SUMF1: variants seen among roughly 807,000 people sequenced by gnomAD.
SUMF1 encodes formylglycine-generating enzyme.
SUMF1 carries 48 observed loss-of-function variants against 47.6 expected under a neutral mutation model. The observed-to-expected ratio is 1.01, with a 90% CI of 0.80 to 1.28. The LOEUF (loss-of-function observed/expected upper bound fraction) is 1.28. Among genes scored for constraint, SUMF1 ranks in the 50% most tolerant of loss-of-function variants. The probability of loss-of-function intolerance (pLI) is 0.00; values close to 1 mark genes in which losing one functional copy is unlikely to be tolerated. For missense variants in SUMF1, 571 were observed against 485.4 expected, an observed-to-expected ratio of 1.18 and a Z score of -1.66; for synonymous variants, 230 against 192.1, an observed-to-expected ratio of 1.20 and a Z score of -1.63.
intron 3 of SUMF1, among the ~76,000 whole-genome samples, chr3:4,426,505 GT>G (rs759571407): frequency 3.1e-4 from 47 of 152,158 alleles, no homozygotes; most frequent in Non-Finnish European, 5.4e-4. Context: ...CAAATAACTT[GT>G]TCTTGAACTC....
At chr3:4,095,419 G>A (rs1302862920) in intron 8 of SUMF1, among the ~76,000 whole-genome samples, 1 of 152,004 alleles carries the variant, frequency 6.6e-6, no homozygotes, top group Non-Finnish European at 1.5e-5. Flanking sequence ...AAGCTCTGAA[G>A]AATGAGATTG....
chr3:4,050,155 G>GGAAT (rs989987033), intron 9 of SUMF1, among the ~76,000 whole-genome samples: 1 of 151,928 alleles, frequency 6.6e-6, no homozygotes, highest in Admixed American at 6.6e-5. Flanking sequence ...CATGAAAACA[G>GGAAT]GAATGCCTGT....
chr3:4,321,101 G>A (rs1220303565), intron 8 of SUMF1, among the ~76,000 whole-genome samples: 3 of 152,044 alleles, frequency 2.0e-5, no homozygotes, highest in Admixed American at 6.6e-5. Context: ...TGTTGGATTG[G>A]GAATTTACAT....
intron 9 of SUMF1, among the ~76,000 whole-genome samples, chr3:4,057,036 G>A (rs317538): frequency 0.98 from 148,490 of 151,902 alleles, 72,649 homozygotes; most frequent in Middle Eastern, 1. Flanking sequence ...GTGAGCCACC[G>A]CGCCCGGCCG....
intron 8 of SUMF1, among the ~76,000 whole-genome samples, chr3:4,199,239 C>A (rs1407285039): frequency 2.0e-5 from 3 of 152,088 alleles, no homozygotes; most frequent in Non-Finnish European, 4.4e-5. Context: ...TAAATGGAAT[C>A]ATACTATATG....
intron 8 of SUMF1, among the ~76,000 whole-genome samples, chr3:4,174,496 G>A (rs988901234): frequency 6.6e-6 from 1 of 151,984 alleles, no homozygotes; most frequent in Non-Finnish European, 1.5e-5. Flanking sequence ...TTCAGCTCAG[G>A]AGTTCAAAGC....
intron 9 of SUMF1, among the ~76,000 whole-genome samples, chr3:4,067,745 C>A (rs997831951): frequency 1.3e-5 from 2 of 152,136 alleles, no homozygotes; most frequent in Non-Finnish European, 2.9e-5. Context: ...ATTCTGATGT[C>A]CTGCAGGTGC....
At chr3:4,373,111 A>G (rs1700216639) in intron 8 of SUMF1, among the ~76,000 whole-genome samples, 1 of 152,234 alleles carries the variant, frequency 6.6e-6, no homozygotes, top group East Asian at 1.9e-4. Context: ...TATAGACTTT[A>G]AATCAACCAC....
intron 7 of SUMF1, among the ~76,000 whole-genome samples, chr3:4,402,349 T>C (rs1166938591): frequency 1.3e-5 from 2 of 152,204 alleles, no homozygotes; most frequent in Non-Finnish European, 2.9e-5. Flanking sequence ...CAGCTCCAAC[T>C]GGTAGAGAAC....
In SUMF1 at chr3:4,355,475, G is replaced by T. The variant is rs142767763; in HGVS notation, c.1014+20855C>A. ...AAGGTGTAGAGCAGAGAAAAATTGT[G>T]GACTTTGAAAATGCAACCAATGGCT... is the stretch of plus-strand genomic sequence containing the variant. On this transcript the variant is annotated intron_variant and NMD_transcript_variant, in intron 8 of 12. Transcript: ENST00000448413. 5.0e-3 allele frequency among the ~76,000 whole-genome samples: 764 copies of T among 152,138 alleles called. 4 individuals carry two copies. The highest frequency in any genetic ancestry group is 0.014 in the South Asian group (66 of 4,814).
intron 1 of SUMF1, among the ~76,000 whole-genome samples, chr3:4,461,509 G>A (rs2079814374): frequency 6.6e-6 from 1 of 152,216 alleles, no homozygotes; most frequent in Admixed American, 6.5e-5. Flanking sequence ...ACAGGAAGCT[G>A]TGCCCATTGT....
At chr3:4,367,135 G>A (rs1232872383) in intron 8 of SUMF1, among the ~76,000 whole-genome samples, 4 of 152,130 alleles carry the variant, frequency 2.6e-5, no homozygotes, top group Admixed American at 6.5e-5. Context: ...CTACTGGGGG[G>A]GTGCCTCACA....
chr3:4,181,867 G>A (rs1333454115), intron 8 of SUMF1, among the ~76,000 whole-genome samples: 1 of 152,092 alleles, frequency 6.6e-6, no homozygotes, highest in Non-Finnish European at 1.5e-5. Context: ...TGGACCTGAG[G>A]CTGGGGAACA....
chr3:4,409,418 T>C (rs1701472715), intron 7 of SUMF1, among the ~76,000 whole-genome samples: 1 of 152,192 alleles, frequency 6.6e-6, no homozygotes. Flanking sequence ...TGAATTTTTC[T>C]GTAAATCCTT....
chr3:4,273,284 A>G (rs560555848), intron 8 of SUMF1, among the ~76,000 whole-genome samples: 10 of 152,218 alleles, frequency 6.6e-5, no homozygotes, highest in East Asian at 1.9e-4. Context: ...AGTTCTATCA[A>G]TTTGTGAATG....
intron 8 of SUMF1, among the ~76,000 whole-genome samples, chr3:4,265,194 G>A (rs984132869): frequency 6.6e-6 from 1 of 150,902 alleles, no homozygotes. Flanking sequence ...CTATGCATCT[G>A]GCAGGAGCAG....
chr3:4,213,904 A>G (rs1420895079), intron 8 of SUMF1, among the ~76,000 whole-genome samples: 2 of 152,204 alleles, frequency 1.3e-5, no homozygotes, highest in Non-Finnish European at 2.9e-5. Context: ...ATCCAGATTC[A>G]TAAAGCAAGT....
At chr3:4,104,839 C>T (rs1217724684) in intron 8 of SUMF1, among the ~76,000 whole-genome samples, 3 of 152,042 alleles carry the variant, frequency 2.0e-5, no homozygotes, top group Non-Finnish European at 2.9e-5. Flanking sequence ...TGTATAGAGT[C>T]CTTTTACACC....
At chr3:4,394,902 C>T (rs1401582514) in intron 7 of SUMF1, among the ~76,000 whole-genome samples, 2 of 152,138 alleles carry the variant, frequency 1.3e-5, no homozygotes, top group African/African-American at 4.8e-5. Context: ...TGCACATCTT[C>T]CTCCTAAAAG....
Sources: allele counts gnomAD v4.1 joint callset (sites outside exome capture counted in the v4.1 genomes callset), GRCh38; gene constraint gnomAD v4.1.1; transcripts MANE v1.5; gene names NCBI Gene and HGNC (gene_info 2026-07-23, HGNC 2026-07-21).